Variants in SLC22A4 observed in about 807,000 individuals in gnomAD.
SLC22A4 encodes the protein solute carrier family 22 member 4, also known as ET transporter.
Under a neutral mutation model 56.6 loss-of-function variants are expected in SLC22A4, and 39 were observed. The ratio of observed to expected loss-of-function variants is 0.69; its 90% CI spans 0.53 to 0.90. The LOEUF is 0.90. Ranked by LOEUF, SLC22A4 falls within the 40% of genes least tolerant of loss-of-function variation. SLC22A4 has a pLI of 0.00. For synonymous variants in SLC22A4, 241 were observed against 281.4 expected (o/e 0.86, Z 1.44); for missense variants, 594 against 696.5 (o/e 0.85, Z 1.66).
chr5:132,299,404 ATTTT>A (rs1561533456), intron 1 of SLC22A4, among the ~76,000 whole-genome samples: 26 of 29,612 alleles, frequency 8.8e-4, no homozygotes, highest in Admixed American at 1.8e-3. Flanking sequence ...GTTTTATTTT[ATTTT>A]ATTTTATTTT....
At chr5:132,328,928 T>TAC (rs1750774320) in intron 5 of SLC22A4, among the ~76,000 whole-genome samples, 6 of 22,126 alleles carry the variant, frequency 2.7e-4, no homozygotes, top group Admixed American at 1.6e-3. Flanking sequence ...TATATATATA[T>TAC]ATACACACAC....
rs1198027003 is a variant in SLC22A4, at chr5:132,343,913, A to G, written c.*78A>G. On this transcript the variant is annotated 3_prime_UTR_variant, in exon 10 of 10. Transcript: ENST00000200652. ...GGAGAAATTCGTTGTTCCCACTGAA[A>G]TGGACTGACTGTAACGATTGACACC... The G allele has an allele frequency of 2.3e-6, 2 of 877,690 alleles. No homozygotes were observed. Among genetic ancestry groups the G allele is most frequent in the Non-Finnish European group, 1.9e-6 (1 of 528,150 alleles). The allele number at this position is 877,690 out of a possible 1,614,324, so 54.4% of individuals were successfully genotyped here. A position where few individuals can be genotyped will look rare whatever the true frequency, so the allele number is the denominator to read the frequency against.
intron 4 of SLC22A4, among the ~76,000 whole-genome samples, chr5:132,326,746 G>A (rs965808353): frequency 5.9e-5 from 9 of 152,218 alleles, no homozygotes; most frequent in Non-Finnish European, 1.3e-4. Context: ...TCTGTTGAAA[G>A]CCATGGGGGC....
intron 6 of SLC22A4, among the ~76,000 whole-genome samples, chr5:132,333,601 A>C (rs1750927680): frequency 6.6e-6 from 1 of 152,190 alleles, no homozygotes; most frequent in South Asian, 2.1e-4. Context: ...GCTTCTAAGC[A>C]CATAGTTAGA....
intron 1 of SLC22A4, among the ~76,000 whole-genome samples, chr5:132,302,430 G>A (rs967632688): frequency 5.3e-5 from 8 of 152,108 alleles, no homozygotes; most frequent in African/African-American, 7.2e-5. Context: ...GGTGTGCCTT[G>A]TTTTCTAAAG....
chr5:132,315,695 C>A (rs1276991317), intron 3 of SLC22A4, among the ~76,000 whole-genome samples: 1 of 152,188 alleles, frequency 6.6e-6, no homozygotes, highest in Non-Finnish European at 1.5e-5. Flanking sequence ...GTAGGTAAGA[C>A]CCTGGGTGCA....
intron 1 of SLC22A4, among the ~76,000 whole-genome samples, chr5:132,305,993 A>ATTAGT (rs1419010095): frequency 1.3e-5 from 2 of 152,184 alleles, no homozygotes; most frequent in Non-Finnish European, 2.9e-5. Flanking sequence ...GATGTTCAAC[A>ATTAGT]TTAGTTATTA....
intron 1 of SLC22A4, chr5:132,311,916 C>T: frequency 1.7e-6 from 1 of 587,640 alleles, no homozygotes; most frequent in South Asian, 1.9e-5. Flanking sequence ...GCATCACCCT[C>T]CCTTTCCAAA....
intron 1 of SLC22A4, among the ~76,000 whole-genome samples, chr5:132,303,170 TG>T (rs1037946965): frequency 1.3e-5 from 2 of 152,232 alleles, no homozygotes; most frequent in African/African-American, 4.8e-5. Context: ...GGAGAATAGA[TG>T]TTTTGCCAAA....
At position 132,324,640 on chromosome 5, in the gene SLC22A4, C is replaced by T. The variant is rs890855030; in HGVS notation, c.824+2285C>T. The T allele has an allele frequency of 3.2e-5, 15 of 466,126 alleles. No homozygotes were observed. The Middle Eastern group carries it at 1.3e-3, about 41-fold the overall frequency. 28.9% of individuals were successfully genotyped at this position (466,126 alleles called of 1,614,324 possible). A position where few individuals can be genotyped will look rare whatever the true frequency, so the allele number is the denominator to read the frequency against. On this transcript the variant is annotated intron_variant, in intron 4 of 9. Coordinates refer to ENST00000200652, the MANE Select transcript of SLC22A4 (RefSeq NM_003059.3). ...CTTTCTTCTGAACATCCCATCCTTG[C>T]AGGTGGGTCTTCCCAAAGGGATGCT...
chr5:132,315,253 C>A (rs1356645205), intron 3 of SLC22A4, among the ~76,000 whole-genome samples: 2 of 152,064 alleles, frequency 1.3e-5, no homozygotes, highest in Admixed American at 6.5e-5. Context: ...GCCAAACAGG[C>A]CTCCCCAAAA....
Position 132,322,349 on chromosome 5 carries a change from TGTG to T in SLC22A4, c.824+1_824+3del. ...GTGCCGGGAGTGCTGTGTGTCCCGC[TGTG>T]GTGGTGAGTGTGACTCGTCCCCAGA... On this transcript the variant is annotated inframe_deletion, in exon 4 of 10. Transcript: ENST00000200652. 1 of 1,613,430 alleles carries T rather than the reference TGTG, an allele frequency of 6.2e-7. No individual in the cohort carries two copies. The highest frequency in any genetic ancestry group is 8.5e-7 in the Non-Finnish European group (1 of 1,179,862).
At chr5:132,295,424 T>G in intron 1 of SLC22A4, 2 of 403,788 alleles carry the variant, frequency 5.0e-6, no homozygotes. Flanking sequence ...ATCTTGTCTG[T>G]TCCCTGGCCA....
chr5:132,342,888 A>T (rs1439182289), intron 9 of SLC22A4, among the ~76,000 whole-genome samples: 1 of 152,132 alleles, frequency 6.6e-6, no homozygotes, highest in Non-Finnish European at 1.5e-5. Context: ...CATCATTTAG[A>T]GGTTTTCATG....
chr5:132,312,402 G>A (rs1750208110), intron 2 of SLC22A4, 138 bp downstream of exon 2: 1 of 697,532 alleles, frequency 1.4e-6, no homozygotes, highest in Admixed American at 2.0e-5. Flanking sequence ...GATAGGAGGA[G>A]CCCCGATGTC....
At chr5:132,306,423 ATATATATATATATATATATAGTT>A (rs1305692785) in intron 1 of SLC22A4, among the ~76,000 whole-genome samples, 10 of 70,864 alleles carry the variant, frequency 1.4e-4, no homozygotes, top group African/African-American at 6.6e-4. Context: ...ATATATATAT[ATATATATATATATATATATAGTT>A]GTTGTTGTTG....
chr5:132,299,987 G>T (rs1240123576), intron 1 of SLC22A4, among the ~76,000 whole-genome samples: 1 of 152,104 alleles, frequency 6.6e-6, no homozygotes, highest in Non-Finnish European at 1.5e-5. Flanking sequence ...TCTATCGTAG[G>T]ATCCCATCCA....
At chr5:132,341,053 T>C (rs961499279) in intron 9 of SLC22A4, among the ~76,000 whole-genome samples, 8 of 149,832 alleles carry the variant, frequency 5.3e-5, no homozygotes. Flanking sequence ...GAGGCAGAGG[T>C]TGCAGTGAGC....
At chr5:132,312,071 G>A (rs548372505) in intron 1 of SLC22A4, 90 bp from the exon 2 acceptor site, 40 of 832,678 alleles carry the variant, frequency 4.8e-5, no homozygotes, top group Admixed American at 3.2e-4. Flanking sequence ...GAGTCTGCCC[G>A]CCAGCCGTGC....
Sources: allele counts gnomAD v4.1 joint callset (sites outside exome capture counted in the v4.1 genomes callset), GRCh38; gene constraint gnomAD v4.1.1; transcripts MANE v1.5; gene names NCBI Gene and HGNC (gene_info 2026-07-23, HGNC 2026-07-21).